The following STPG2 variants were observed in gnomAD, a reference collection of about 807,000 sequenced individuals.
The protein encoded by STPG2 is sperm tail PG-rich repeat containing 2.
Under a neutral mutation model 54.2 loss-of-function variants are expected in STPG2, and 56 were observed. The ratio of observed to expected loss-of-function variants is 1.03; its 90% CI spans 0.83 to 1.29. The LOEUF (loss-of-function observed/expected upper bound fraction) is 1.29, where lower values mean the gene tolerates loss of function less well. Among genes scored for constraint, STPG2 ranks in the 50% most tolerant of loss-of-function variants. The pLI is 0.00. For synonymous variants in STPG2, 200 were observed against 181.8 expected (o/e 1.10, Z -0.81); for missense variants, 596 against 544.9 (o/e 1.09, Z -0.93).
intron 5 of STPG2, among the ~76,000 whole-genome samples, chr4:98,014,328 T>C (rs62318503): frequency 0.39 from 59,865 of 151,910 alleles, 12,030 homozygotes; most frequent in Middle Eastern, 0.46. Context: ...CACTGTGGTC[T>C]GAGAGACTAT....
intron 4 of STPG2, among the ~76,000 whole-genome samples, chr4:97,516,882 G>C (rs1297880279): frequency 6.6e-6 from 1 of 151,744 alleles, no homozygotes; most frequent in Non-Finnish European, 1.5e-5. Flanking sequence ...GCCCTGGAGA[G>C]AGCATATATT....
chr4:97,962,640 T>C (rs907951120), intron 7 of STPG2, among the ~76,000 whole-genome samples: 2 of 152,220 alleles, frequency 1.3e-5, no homozygotes, highest in African/African-American at 4.8e-5. Context: ...TACTGAGTCC[T>C]TACTGTGTTC....
intron 10 of STPG2, among the ~76,000 whole-genome samples, chr4:97,636,655 G>C (rs1460873808): frequency 2.0e-5 from 3 of 151,696 alleles, no homozygotes; most frequent in African/African-American, 4.8e-5. Flanking sequence ...AATGATAAAG[G>C]GGATATTACC....
chr4:97,603,642 A>T (rs1240851995), intron 10 of STPG2, among the ~76,000 whole-genome samples: 1 of 151,536 alleles, frequency 6.6e-6, no homozygotes, highest in Non-Finnish European at 1.5e-5. Context: ...TATATATATA[A>T]AATGCAATAT....
At chr4:98,020,449 T>C (rs576596525) in intron 5 of STPG2, among the ~76,000 whole-genome samples, 2 of 150,932 alleles carry the variant, frequency 1.3e-5, no homozygotes, top group Non-Finnish European at 3.0e-5. Context: ...TTTGCCTCAA[T>C]GTTCATCAAG....
intron 3 of STPG2, among the ~76,000 whole-genome samples, chr4:98,117,340 C>T (rs762053989): frequency 3.9e-5 from 6 of 151,960 alleles, no homozygotes; most frequent in Non-Finnish European, 7.4e-5. Context: ...TCTTGCTGCC[C>T]TCAAGATTTT....
At chr4:97,681,738 T>C (rs2148979704) in intron 10 of STPG2, among the ~76,000 whole-genome samples, 1 of 151,910 alleles carries the variant, frequency 6.6e-6, no homozygotes, top group South Asian at 2.1e-4. Flanking sequence ...TAAAATAGAT[T>C]TTCTAGGTGT....
chr4:97,530,443 C>T (rs145389816), intron 4 of STPG2, among the ~76,000 whole-genome samples: 2 of 151,934 alleles, frequency 1.3e-5, no homozygotes, highest in African/African-American at 4.8e-5. Context: ...AGGTAAATGT[C>T]TTAAAAATTC....
intron 9 of STPG2, among the ~76,000 whole-genome samples, chr4:97,786,944 C>T (rs1433493161): frequency 6.6e-6 from 1 of 152,016 alleles, no homozygotes; most frequent in Non-Finnish European, 1.5e-5. Flanking sequence ...TAGGAAAAAA[C>T]ATAGTATAGT....
chr4:98,038,595 G>T (rs1338407401), intron 5 of STPG2, among the ~76,000 whole-genome samples: 1 of 151,400 alleles, frequency 6.6e-6, no homozygotes. Context: ...ATCTCAGCAA[G>T]AATTCAAAAG....
At chr4:97,619,440 A>C (rs1446967779) in intron 10 of STPG2, among the ~76,000 whole-genome samples, 1 of 152,144 alleles carries the variant, frequency 6.6e-6, no homozygotes, top group Admixed American at 6.6e-5. Flanking sequence ...ATGGGTTTTA[A>C]ATTTTTGAAA....
At chr4:97,975,919 T>C (rs1033052574) in intron 6 of STPG2, among the ~76,000 whole-genome samples, 1 of 152,182 alleles carries the variant, frequency 6.6e-6, no homozygotes, top group Non-Finnish European at 1.5e-5. Context: ...TGCTGATTTA[T>C]GTTCTGGTAG....
intron 9 of STPG2, among the ~76,000 whole-genome samples, chr4:97,783,125 C>T (rs544364908): frequency 6.6e-6 from 1 of 152,260 alleles, no homozygotes; most frequent in African/African-American, 2.4e-5. Flanking sequence ...AAAGAAACTA[C>T]CATCAGAGTG....
chr4:98,116,237 C>T (rs898320400), intron 3 of STPG2, among the ~76,000 whole-genome samples: 8 of 145,030 alleles, frequency 5.5e-5, no homozygotes, highest in Non-Finnish European at 1.2e-4. Flanking sequence ...TAATAGATGA[C>T]ACATTATTCT....
At chr4:97,533,819 G>T (rs1205413271) in intron 4 of STPG2, among the ~76,000 whole-genome samples, 2 of 151,836 alleles carry the variant, frequency 1.3e-5, no homozygotes, top group Non-Finnish European at 2.9e-5. Context: ...TGAATTTGGT[G>T]GTATCTTAAC....
At chr4:97,682,081 G>A (rs887579790) in intron 10 of STPG2, among the ~76,000 whole-genome samples, 7 of 151,636 alleles carry the variant, frequency 4.6e-5, no homozygotes, top group African/African-American at 1.7e-4. Flanking sequence ...TGTCTATTCT[G>A]TGTATTTTTT....
intron 4 of STPG2, among the ~76,000 whole-genome samples, chr4:97,481,438 C>T (rs1730218675): frequency 6.6e-6 from 1 of 151,514 alleles, no homozygotes; most frequent in African/African-American, 2.4e-5. Flanking sequence ...TGTGTTTCAT[C>T]TGTAGATCAA....
chr4:97,843,505 T>C (rs1002643992), intron 8 of STPG2, among the ~76,000 whole-genome samples: 5 of 151,984 alleles, frequency 3.3e-5, no homozygotes, highest in Non-Finnish European at 5.9e-5. Flanking sequence ...TTGGCTTTCA[T>C]TGCTATCATC....
intron 8 of STPG2, chr4:97,893,181 T>C (rs1187664976): frequency 6.6e-6 from 1 of 151,980 alleles, no homozygotes; most frequent in African/African-American, 2.4e-5. Context: ...CTAAGTGCTA[T>C]ACGGAGGGTG....
Sources: gnomAD v4.1 joint callset for allele counts (sites outside exome capture counted in the v4.1 genomes callset) on GRCh38, gnomAD v4.1.1 for gene constraint, MANE v1.5 for transcripts, NCBI Gene and HGNC (gene_info 2026-07-23, HGNC 2026-07-21) for gene names.